The following EML6 variants were observed in gnomAD, a reference collection of about 807,000 sequenced individuals.
EML6 encodes the protein EMAP like 6.
EML6 carries 154 observed loss-of-function variants against 240.1 expected under a neutral mutation model. The observed-to-expected ratio is 0.64, with a 90% CI of 0.56 to 0.73. The LOEUF is 0.73. Ranked by LOEUF, EML6 falls within the 30% of genes least tolerant of loss-of-function variation. The pLI, the probability that EML6 is intolerant of heterozygous loss-of-function variation, is 0.00. For synonymous variants in EML6, 1,148 were observed against 899.0 expected (o/e 1.28, Z -4.95); for missense variants, 2,964 against 2,474.6 (o/e 1.20, Z -4.20).
rs1343476384 is a variant in EML6 at position 54,879,582 on chromosome 2, G to T, written c.2380G>T (p.Asp794Tyr). The T allele has an allele frequency of 6.4e-7, 1 of 1,551,826 alleles. No individual in the cohort carries two copies. The highest frequency in any genetic ancestry group is 1.4e-5 in the African/African-American group (1 of 73,002). ...GKCLVSVGLD[D>Y]FHSIVFWDWK... The stretch of plus-strand genomic sequence containing the variant: ...ATGTCTGGTGTCGGTTGGTTTAGAC[G>T]ATTTTCACAGTATTGTATTTTGGGA... Residue 794 changes from aspartate to tyrosine, a missense_variant, in exon 17 of 42, where the codon GAT (aspartate) becomes TAT (tyrosine). Coordinates refer to ENST00000356458, the MANE Select transcript of EML6 (RefSeq NM_001039753.4).
intron 39 of EML6, 115 bp downstream of exon 39, chr2:54,967,218 C>G (rs2104556739): frequency 1.4e-6 from 1 of 698,102 alleles, no homozygotes; most frequent in Non-Finnish European, 2.4e-6. Context: ...ATGGAGCTGT[C>G]TTTTCTTTTG....
At chr2:54,837,135 C>G (rs1332576449) in intron 7 of EML6, among the ~76,000 whole-genome samples, 1 of 152,148 alleles carries the variant, frequency 6.6e-6, no homozygotes, top group Non-Finnish European at 1.5e-5. Context: ...TCAAGGCATT[C>G]CCTGGTTTTG....
chr2:54,822,611 T>C (rs1395929623), intron 5 of EML6, among the ~76,000 whole-genome samples: 1 of 152,208 alleles, frequency 6.6e-6, no homozygotes, highest in Non-Finnish European at 1.5e-5. Flanking sequence ...ATATTCAAAA[T>C]CTATTATATG....
intron 26 of EML6, among the ~76,000 whole-genome samples, chr2:54,923,920 G>A (rs551948036): frequency 2.0e-5 from 3 of 152,230 alleles, no homozygotes; most frequent in Admixed American, 6.5e-5. Context: ...TTCACTCAGA[G>A]ATGTTTCTGA....
At chr2:54,866,311 C>A (rs1422555616) in intron 13 of EML6, among the ~76,000 whole-genome samples, 1 of 152,130 alleles carries the variant, frequency 6.6e-6, no homozygotes, top group Non-Finnish European at 1.5e-5. Flanking sequence ...CAAGATTGAT[C>A]TTTGCTCTGT....
chr2:54,861,398 C>G (rs1670664809), intron 12 of EML6, among the ~76,000 whole-genome samples: 1 of 152,140 alleles, frequency 6.6e-6, no homozygotes, highest in Admixed American at 6.5e-5. Flanking sequence ...GGAGTTATCT[C>G]CCCAGGATCA....
At chr2:54,839,814 A>C (rs571272600) in intron 7 of EML6, among the ~76,000 whole-genome samples, 1 of 152,096 alleles carries the variant, frequency 6.6e-6, no homozygotes, top group Non-Finnish European at 1.5e-5. Flanking sequence ...ACTGAGTGCC[A>C]TGTGACTTGA....
intron 26 of EML6, among the ~76,000 whole-genome samples, chr2:54,917,549 G>C (rs967499414): frequency 2.6e-5 from 4 of 152,070 alleles, no homozygotes; most frequent in Non-Finnish European, 5.9e-5. Flanking sequence ...TTTTAGTAGA[G>C]AGAGGGTTTC....
At chr2:54,736,576 A>G (rs1196430528) in intron 2 of EML6, among the ~76,000 whole-genome samples, 3 of 152,224 alleles carry the variant, frequency 2.0e-5, no homozygotes, top group African/African-American at 4.8e-5. Flanking sequence ...ACTTTTCAAC[A>G]TAGTGAACTG....
At chr2:54,797,315 A>C (rs1171145134) in intron 2 of EML6, among the ~76,000 whole-genome samples, 4 of 152,104 alleles carry the variant, frequency 2.6e-5, no homozygotes, top group Non-Finnish European at 5.9e-5. Flanking sequence ...CAGTATAGAC[A>C]ATAACAGCCA....
intron 2 of EML6, among the ~76,000 whole-genome samples, chr2:54,810,558 C>T (rs1035337924): frequency 1.3e-5 from 2 of 152,200 alleles, no homozygotes; most frequent in Admixed American, 6.5e-5. Flanking sequence ...GCTGTGATCA[C>T]AGCAAAATAG....
chr2:54,776,558 C>T (rs1668610654), intron 2 of EML6, among the ~76,000 whole-genome samples: 1 of 152,010 alleles, frequency 6.6e-6, no homozygotes, highest in Non-Finnish European at 1.5e-5. Flanking sequence ...TGGTTTTAAT[C>T]AAGCTTGGCA....
At chr2:54,860,878 G>C (rs545918779) in intron 12 of EML6, among the ~76,000 whole-genome samples, 1 of 152,234 alleles carries the variant, frequency 6.6e-6, no homozygotes, top group South Asian at 2.1e-4. Flanking sequence ...ACCTCCCAGA[G>C]GACTCCATCC....
At chr2:54,959,840 CGTT>C (rs1676413412) in intron 34 of EML6, among the ~76,000 whole-genome samples, 1 of 152,106 alleles carries the variant, frequency 6.6e-6, no homozygotes, top group Admixed American at 6.5e-5. Context: ...GTTGATAAAA[CGTT>C]ATTCTTAGTA....
At chr2:54,798,619 A>G (rs559165311) in intron 2 of EML6, among the ~76,000 whole-genome samples, 30 of 152,298 alleles carry the variant, frequency 2.0e-4, no homozygotes, top group Non-Finnish European at 3.7e-4. Flanking sequence ...TGATTTTCGT[A>G]TATGATCTTG....
At chr2:54,871,361 T>C in intron 15 of EML6, 139 bp from the exon 16 acceptor site, 2 of 656,010 alleles carry the variant, frequency 3.0e-6, no homozygotes, top group Non-Finnish European at 2.7e-6. Flanking sequence ...ATAACTGAAT[T>C]GTAGCAGATG....
intron 28 of EML6, among the ~76,000 whole-genome samples, chr2:54,929,493 G>C (rs6726292): frequency 5.3e-5 from 8 of 151,978 alleles, no homozygotes; most frequent in Non-Finnish European, 2.9e-5. Context: ...AGAGAATTTC[G>C]TGGATCTCAA....
intron 8 of EML6, among the ~76,000 whole-genome samples, chr2:54,847,058 C>G (rs1202516909): frequency 1.3e-5 from 2 of 151,532 alleles, no homozygotes; most frequent in East Asian, 3.9e-4. Flanking sequence ...CAGGCACACA[C>G]TACCACATCC....
intron 5 of EML6, among the ~76,000 whole-genome samples, chr2:54,823,868 C>CTCTCTCTCTCTCTT (rs1376831009): frequency 2.0e-5 from 3 of 148,128 alleles, no homozygotes; most frequent in African/African-American, 7.8e-5. Flanking sequence ...CTCTCTCTCT[C>CTCTCTCTCTCTCTT]TCTCTCTCTT....
Sources: allele counts gnomAD v4.1 joint callset (sites outside exome capture counted in the v4.1 genomes callset), GRCh38; gene constraint gnomAD v4.1.1; transcripts MANE v1.5; gene names NCBI Gene and HGNC (gene_info 2026-07-23, HGNC 2026-07-21).